The following ARHGAP15 variants were observed in gnomAD, a reference collection of about 807,000 sequenced individuals.
The protein encoded by ARHGAP15 is Rho GTPase activating protein 15.
In ARHGAP15, 51 loss-of-function variants were observed where a neutral mutation model predicts 63.7. The observed-to-expected ratio is 0.80, with a 90% CI of 0.64 to 1.01. ARHGAP15 has a LOEUF of 1.01. Among genes scored for constraint, ARHGAP15 ranks in the 50% least tolerant of loss-of-function variants. ARHGAP15 has a pLI of 0.00. For missense variants in ARHGAP15, 560 were observed against 564.6 expected (o/e 0.99, Z 0.08); for synonymous variants, 191 against 193.8 (o/e 0.99, Z 0.12).
intron 10 of ARHGAP15, among the ~76,000 whole-genome samples, chr2:143,527,130 CA>C (rs1694312923): frequency 6.6e-6 from 1 of 151,806 alleles, no homozygotes; most frequent in African/African-American, 2.4e-5. Context: ...TGACATTTTC[CA>C]AGGGATTTTT....
In ARHGAP15 at chr2:143,258,706, G is replaced by C. The variant is rs573472970; in HGVS notation, c.474+8106G>C. 3.8e-4 allele frequency among the ~76,000 whole-genome samples: 58 copies of C among 152,222 alleles called. 1 individual carries two copies. Among genetic ancestry groups the C allele is most frequent in the South Asian group, 1.9e-3 (9 of 4,824 alleles). On this transcript the variant is annotated intron_variant, in intron 6 of 13. Transcript: ENST00000295095. Reference sequence around the variant, plus strand: ...TTGGGGAGAAATCAGGAAGGAAGCTGTTTGAACTCTTTTCAGATAACACTG... The same window carrying C: ...TTGGGGAGAAATCAGGAAGGAAGCTCTTTGAACTCTTTTCAGATAACACTG...
chr2:143,278,603 G>C (rs185918924), intron 6 of ARHGAP15, among the ~76,000 whole-genome samples: 1 of 152,060 alleles, frequency 6.6e-6, no homozygotes, highest in Non-Finnish European at 1.5e-5. Context: ...TAGTCCAAAT[G>C]CAGGGTTTTT....
intron 12 of ARHGAP15, among the ~76,000 whole-genome samples, chr2:143,680,021 TAAAAAA>T (rs55927433): frequency 1.4e-4 from 14 of 101,624 alleles, no homozygotes; most frequent in African/African-American, 4.9e-4. Flanking sequence ...AGTAAATGAT[TAAAAAA>T]AAAAAAAAAA....
intron 11 of ARHGAP15, among the ~76,000 whole-genome samples, chr2:143,579,415 A>G (rs749555538): frequency 6.6e-6 from 1 of 152,192 alleles, no homozygotes; most frequent in African/African-American, 2.4e-5. Flanking sequence ...TTTGAGTACC[A>G]TGTTTTTCTG....
At position 143,320,411 on chromosome 2, in the gene ARHGAP15, C is replaced by CCCCCCCCCCCCG. The variant is rs1683960781; in HGVS notation, c.474+69822_474+69823insGCCCCCCCCCCC. On this transcript the variant is annotated intron_variant, in intron 6 of 13. Transcript: ENST00000295095. ...TGCCACAAATCAGGACTTCCCCACC[C>CCCCCCCCCCCCG]CCCCCCCCCCCAGAGATCCTATGAT... 3.7e-4 allele frequency among the ~76,000 whole-genome samples: 15 copies of CCCCCCCCCCCCG among 40,690 alleles called. 1 individual carries two copies. The highest frequency in any genetic ancestry group is 6.0e-4 in the Non-Finnish European group (10 of 16,768). The allele number at this position is 40,690 out of a possible 152,430, so 26.7% of individuals were successfully genotyped here.
chr2:143,219,741 A>G (rs538703753), intron 4 of ARHGAP15, among the ~76,000 whole-genome samples: 2 of 152,290 alleles, frequency 1.3e-5, no homozygotes, highest in Admixed American at 6.5e-5. Flanking sequence ...GCATCATCCA[A>G]TCTAATTATC....
chr2:143,321,623 C>T lies in ARHGAP15; in HGVS notation c.474+71023C>T, dbSNP rs115328715. Among the ~76,000 whole-genome samples the T allele has an allele frequency of 8.8e-3, 1,337 of 152,344 alleles. 22 individuals are homozygous for T. Among genetic ancestry groups the T allele is most frequent in the African/African-American group, 0.031 (1,277 of 41,570 alleles). On this transcript the variant is annotated intron_variant, in intron 6 of 13. Coordinates refer to ENST00000295095, the MANE Select transcript of ARHGAP15 (RefSeq NM_018460.4). ...TCCTCTGCCAGACATGGAGAAGGGC[C>T]TGGGCCCCATAATCTGAGAGTACTT...
chr2:143,752,866 G>T (rs1686432908), intron 13 of ARHGAP15, among the ~76,000 whole-genome samples: 1 of 152,182 alleles, frequency 6.6e-6, no homozygotes, highest in African/African-American at 2.4e-5. Flanking sequence ...GGCCAGAGCA[G>T]TGGCTCACAC....
intron 6 of ARHGAP15, among the ~76,000 whole-genome samples, chr2:143,416,734 A>G (rs1243816411): frequency 6.6e-6 from 1 of 152,066 alleles, no homozygotes; most frequent in Admixed American, 6.5e-5. Flanking sequence ...ACGCAAACAC[A>G]GTAACACAAG....
intron 6 of ARHGAP15, among the ~76,000 whole-genome samples, chr2:143,386,493 AGTAACAT>A (rs1161992152): frequency 6.6e-6 from 1 of 152,192 alleles, no homozygotes; most frequent in Non-Finnish European, 1.5e-5. Context: ...TGCTTGAGAA[AGTAACAT>A]GTAAATAAAT....
At chr2:143,169,914 C>T (rs966281645) in intron 2 of ARHGAP15, among the ~76,000 whole-genome samples, 4 of 151,954 alleles carry the variant, frequency 2.6e-5, no homozygotes, top group African/African-American at 9.7e-5. Context: ...TTTAGGAAGT[C>T]AAAGCCAGAT....
intron 4 of ARHGAP15, among the ~76,000 whole-genome samples, chr2:143,221,425 A>G (rs1258242788): frequency 6.6e-6 from 1 of 152,192 alleles, no homozygotes; most frequent in Non-Finnish European, 1.5e-5. Flanking sequence ...CCCCAACAAT[A>G]CACTGACAGG....
chr2:143,515,269 T>TA (rs1321353327), intron 9 of ARHGAP15, among the ~76,000 whole-genome samples: 3 of 145,554 alleles, frequency 2.1e-5, no homozygotes, highest in African/African-American at 7.5e-5. Flanking sequence ...ATCACTTTAC[T>TA]AAAAAACCAC....
At chr2:143,578,104 AC>A (rs1313613889) in intron 11 of ARHGAP15, among the ~76,000 whole-genome samples, 1 of 152,114 alleles carries the variant, frequency 6.6e-6, no homozygotes, top group Non-Finnish European at 1.5e-5. Context: ...CATAAACCTC[AC>A]AGCAATTGAT....
chr2:143,535,046 A>G (rs1240602446), intron 10 of ARHGAP15, among the ~76,000 whole-genome samples: 1 of 152,168 alleles, frequency 6.6e-6, no homozygotes, highest in Non-Finnish European at 1.5e-5. Context: ...AAATTACTAT[A>G]AGAATAAATT....
intron 6 of ARHGAP15, among the ~76,000 whole-genome samples, chr2:143,426,001 A>C (rs893158311): frequency 1.3e-5 from 2 of 152,178 alleles, no homozygotes; most frequent in African/African-American, 4.8e-5. Context: ...AGAAGGAAAT[A>C]GATACCGTTC....
At chr2:143,229,634 A>T (rs1427398169) in intron 5 of ARHGAP15, among the ~76,000 whole-genome samples, 1 of 152,164 alleles carries the variant, frequency 6.6e-6, no homozygotes, top group Non-Finnish European at 1.5e-5. Context: ...CTGATGGATG[A>T]TAAGGAAAGG....
At chr2:143,568,809 T>C (rs565575198) in intron 11 of ARHGAP15, among the ~76,000 whole-genome samples, 3 of 152,208 alleles carry the variant, frequency 2.0e-5, no homozygotes, top group South Asian at 2.1e-4. Context: ...GTGGCACATA[T>C]ACACCATGGA....
intron 8 of ARHGAP15, among the ~76,000 whole-genome samples, chr2:143,463,712 A>C (rs556476328): frequency 6.6e-6 from 1 of 152,164 alleles, no homozygotes; most frequent in South Asian, 2.1e-4. Flanking sequence ...TTTGGTCTAA[A>C]TTTTGCCTTT....
Sources: gnomAD v4.1 joint callset for allele counts (sites outside exome capture counted in the v4.1 genomes callset) on GRCh38, gnomAD v4.1.1 for gene constraint, MANE v1.5 for transcripts, NCBI Gene and HGNC (gene_info 2026-07-23, HGNC 2026-07-21) for gene names.